Variants in CMYA5 observed in about 807,000 individuals in gnomAD.
CMYA5 encodes cardiomyopathy associated 5, also known as cardiomyopathy-associated protein 5.
CMYA5 carries 246 observed loss-of-function variants against 318.9 expected under a neutral mutation model. The ratio of observed to expected loss-of-function variants is 0.77; its 90% CI spans 0.70 to 0.86. The LOEUF is 0.86. Among genes scored for constraint, CMYA5 ranks in the 40% least tolerant of loss-of-function variants. The pLI is 0.00. For missense variants in CMYA5, 4,589 were observed against 4,678.2 expected (o/e 0.98, Z 0.56); for synonymous variants, 1,641 against 1,729.5 (o/e 0.95, Z 1.27).
At chr5:79,720,684 C>T (rs1272728260) in intron 1 of CMYA5, among the ~76,000 whole-genome samples, 1 of 152,112 alleles carries the variant, frequency 6.6e-6, no homozygotes, top group African/African-American at 2.4e-5. Flanking sequence ...GATCTGCTGG[C>T]CTCGGCCTCC....
At chr5:79,743,615 T>C (rs565981504) in intron 2 of CMYA5, among the ~76,000 whole-genome samples, 3 of 152,324 alleles carry the variant, frequency 2.0e-5, no homozygotes, top group African/African-American at 7.2e-5. Flanking sequence ...TGTAGTTGTT[T>C]TGAGGTTTTC....
chr5:79,727,410 T>C (rs1309505605), intron 1 of CMYA5, among the ~76,000 whole-genome samples: 1 of 152,252 alleles, frequency 6.6e-6, no homozygotes, highest in East Asian at 1.9e-4. Flanking sequence ...ACCTCTGATA[T>C]ATGCAGAGAC....
chr5:79,788,988 A>G lies in CMYA5; in HGVS notation c.11573A>G (p.Lys3858Arg), dbSNP rs374309573. The change falls in exon 10 of 13, where the codon AAA (lysine) becomes AGA (arginine). Residue 3858 changes from lysine to arginine, a missense_variant. Lys to Arg is a conservative substitution (Grantham distance 26, BLOSUM62 2). Coordinates refer to ENST00000446378, the MANE Select transcript of CMYA5 (RefSeq NM_153610.5). ...GEGLRSFSGI[K>R]GLQLKVNLQP... Reference sequence around the variant, plus strand: ...GTATTTAGATCTTTCTCTGGAATCAAAGGACTCCAGCTGAAAGTTAACCTC... The same window carrying G: ...GTATTTAGATCTTTCTCTGGAATCAGAGGACTCCAGCTGAAAGTTAACCTC... 1.1e-4 allele frequency: 184 copies of G among 1,613,428 alleles called. No individual in the cohort carries two copies. The highest frequency in any genetic ancestry group is 1.5e-4 in the Non-Finnish European group (173 of 1,179,574).
At chr5:79,748,740 T>A (rs1828379627) in intron 5 of CMYA5, among the ~76,000 whole-genome samples, 1 of 151,852 alleles carries the variant, frequency 6.6e-6, no homozygotes. Flanking sequence ...GATGGAGTTT[T>A]GTCATGTTGC....
chr5:79,704,683 G>A (rs1485419429), intron 1 of CMYA5, among the ~76,000 whole-genome samples: 1 of 152,102 alleles, frequency 6.6e-6, no homozygotes, highest in African/African-American at 2.4e-5. Flanking sequence ...TATGTTGAGA[G>A]AGAGAGAGGG....
chr5:79,770,164 G>A (rs1236910935), intron 9 of CMYA5, among the ~76,000 whole-genome samples: 4 of 152,140 alleles, frequency 2.6e-5, no homozygotes, highest in Admixed American at 6.5e-5. Flanking sequence ...CACCAAGCTC[G>A]AGCATTCCAG....
chr5:79,710,395 A>C (rs1827367148), intron 1 of CMYA5, among the ~76,000 whole-genome samples: 1 of 152,180 alleles, frequency 6.6e-6, no homozygotes, highest in Non-Finnish European at 1.5e-5. Context: ...TGAGGTCCTC[A>C]ATAATTTTTA....
rs771299547 is a variant in CMYA5, at chr5:79,732,656, A to G, written c.3891A>G (p.Ser1297=). The G allele has an allele frequency of 6.2e-7, 1 of 1,613,492 alleles. No individual in the cohort carries two copies. Among genetic ancestry groups the G allele is most frequent in the African/African-American group, 1.3e-5 (1 of 75,032 alleles). ...ETSLSGPEAL[S]AVKMEMKHDS... The stretch of plus-strand genomic sequence containing the variant: ...CTTTATCTGGACCTGAGGCTTTATC[A>G]GCAGTGAAAATGGAGATGAAACATG... Residue 1297 remains serine (S), a synonymous_variant, in exon 2 of 13, where the codon TCA becomes TCG. Coordinates refer to ENST00000446378, the MANE Select transcript of CMYA5 (RefSeq NM_153610.5).
chr5:79,694,691 G>T (rs1307445933), intron 1 of CMYA5, among the ~76,000 whole-genome samples: 1 of 152,190 alleles, frequency 6.6e-6, no homozygotes, highest in Non-Finnish European at 1.5e-5. Context: ...CCTTTTGGAA[G>T]GTGCAAGGAA....
chr5:79,735,361 A>G lies in CMYA5; in HGVS notation c.6596A>G (p.Gln2199Arg). 1 of 1,613,862 alleles carries G rather than the reference A, an allele frequency of 6.2e-7. No individual in the cohort carries two copies. The highest frequency in any genetic ancestry group is 8.5e-7 in the Non-Finnish European group (1 of 1,179,796). ...SSTPDNKVAE[Q>R]EDLETQPSPS... ...ACTCCAGATAACAAAGTTGCTGAAC[A>G]AGAAGACTTAGAAACACAGCCAAGT... The change falls in exon 2 of 13, where the codon CAA becomes CGA. Residue 2199 changes from glutamine to arginine, a missense_variant. Transcript: ENST00000446378.
chr5:79,711,953 C>T (rs13175947), intron 1 of CMYA5, among the ~76,000 whole-genome samples: 29,552 of 152,136 alleles, frequency 0.19, 3,489 homozygotes, highest in East Asian at 0.35. Context: ...ACTCCCTCTT[C>T]GCATATGGTA....
intron 9 of CMYA5, among the ~76,000 whole-genome samples, chr5:79,788,513 A>G (rs1463470093): frequency 6.7e-6 from 1 of 149,026 alleles, no homozygotes; most frequent in Non-Finnish European, 1.5e-5. Flanking sequence ...TCTTGCCAAG[A>G]TCGAGTTTGC....
intron 9 of CMYA5, among the ~76,000 whole-genome samples, chr5:79,784,981 A>G (rs575192524): frequency 6.6e-6 from 1 of 151,536 alleles, no homozygotes; most frequent in South Asian, 2.1e-4. Context: ...ATCATCTGGA[A>G]TTTATCTCAG....
chr5:79,765,588 C>T (rs1828736374), intron 9 of CMYA5, among the ~76,000 whole-genome samples: 1 of 152,130 alleles, frequency 6.6e-6, no homozygotes, highest in Admixed American at 6.6e-5. Context: ...GCTGTATGGC[C>T]ATTTTCACAA....
intron 1 of CMYA5, among the ~76,000 whole-genome samples, chr5:79,703,450 ATTTCTGCTTTGAGG>A (rs1231684233): frequency 6.6e-6 from 1 of 152,202 alleles, no homozygotes; most frequent in Non-Finnish European, 1.5e-5. Flanking sequence ...ACACCTTGGT[ATTTCTGCTTTGAGG>A]TTTCAAAACT....
At chr5:79,722,695 A>C (rs2151081927) in intron 1 of CMYA5, among the ~76,000 whole-genome samples, 1 of 151,586 alleles carries the variant, frequency 6.6e-6, no homozygotes, top group African/African-American at 2.4e-5. Flanking sequence ...AAAAAAAAAA[A>C]AAATCTATCT....
chr5:79,691,620 A>G (rs1826972210), intron 1 of CMYA5, among the ~76,000 whole-genome samples: 1 of 152,232 alleles, frequency 6.6e-6, no homozygotes, highest in East Asian at 1.9e-4. Context: ...AAAGCATCCA[A>G]TTTATTTTTT....
intron 1 of CMYA5, among the ~76,000 whole-genome samples, chr5:79,717,884 A>ATTTTT (rs1282948127): frequency 0.011 from 1,054 of 91,726 alleles, 319 homozygotes; most frequent in African/African-American, 0.063. Context: ...AACCTAAGCT[A>ATTTTT]TTTTTTTTTT....
chr5:79,788,860 A>C, intron 9 of CMYA5, 111 bp from the exon 10 acceptor site: 1 of 1,134,424 alleles, frequency 8.8e-7, no homozygotes, highest in Non-Finnish European at 1.2e-6. Flanking sequence ...AAGGGGAAGA[A>C]AATAAGTTAT....
Sources: allele counts gnomAD v4.1 joint callset (sites outside exome capture counted in the v4.1 genomes callset), GRCh38; gene constraint gnomAD v4.1.1; transcripts MANE v1.5; gene names NCBI Gene and HGNC (gene_info 2026-07-23, HGNC 2026-07-21).